AKR1C4: variants seen among roughly 807,000 people sequenced by gnomAD.
AKR1C4 encodes 3-alpha-HSD1.
AKR1C4 carries 44 observed loss-of-function variants against 41.0 expected under a neutral mutation model. That is an observed-to-expected ratio of 1.07 (90% CI 0.84 to 1.38). The LOEUF (loss-of-function observed/expected upper bound fraction) is 1.38. Ranked by LOEUF, AKR1C4 falls within the 40% of genes most tolerant of loss-of-function variation. The pLI is 0.00. For synonymous variants in AKR1C4, 165 were observed against 137.7 expected (o/e 1.20, Z -1.39); for missense variants, 438 against 387.9 (o/e 1.13, Z -1.09).
chr10:5,207,758 C>CT, intron 5 of AKR1C4: 3 of 416,210 alleles, frequency 7.2e-6, no homozygotes, highest in South Asian at 5.9e-5. Flanking sequence ...AATATGATAC[C>CT]TTTTCTATAT....
intron 1 of AKR1C4, among the ~76,000 whole-genome samples, chr10:5,199,538 T>G (rs1440095896): frequency 1.3e-5 from 2 of 152,000 alleles, no homozygotes; most frequent in African/African-American, 4.8e-5. Context: ...GGGTGGACTT[T>G]GAGAGGATCA....
chr10:5,211,883 G>C (rs1832580360), intron 5 of AKR1C4, among the ~76,000 whole-genome samples: 1 of 152,174 alleles, frequency 6.6e-6, no homozygotes, highest in African/African-American at 2.4e-5. Flanking sequence ...GTCTTACATG[G>C]ACAGCAGCAG....
At chr10:5,206,435 T>C (rs1554797499) in intron 5 of AKR1C4, 38 bp downstream of exon 5, 4 of 1,613,646 alleles carry the variant, frequency 2.5e-6, no homozygotes, top group South Asian at 1.1e-5. Flanking sequence ...CTCTTCTCAA[T>C]GTCCATCTTC....
At chr10:5,213,510 T>C (rs1483879627) in intron 7 of AKR1C4, among the ~76,000 whole-genome samples, 2 of 152,242 alleles carry the variant, frequency 1.3e-5, no homozygotes, top group South Asian at 2.1e-4. Context: ...CCTTGTTTAC[T>C]CAGTATAAAT....
At chr10:5,208,065 T>TG (rs1282513936) in intron 5 of AKR1C4, among the ~76,000 whole-genome samples, 3 of 48,556 alleles carry the variant, frequency 6.2e-5, no homozygotes, top group African/African-American at 7.3e-5. Flanking sequence ...CTTTAAAGAG[T>TG]GAAAAAAAGG....
intron 2 of AKR1C4, among the ~76,000 whole-genome samples, chr10:5,200,879 ATTACT>A (rs1832391042): frequency 6.6e-6 from 1 of 152,132 alleles, no homozygotes; most frequent in Non-Finnish European, 1.5e-5. Flanking sequence ...CCATTCCTGA[ATTACT>A]TTACTTAGAA....
Position 5,212,685 on chromosome 10 carries a change from G to T in AKR1C4, c.640G>T (p.Val214Phe). 1 of 1,614,004 alleles carries T rather than the reference G, an allele frequency of 6.2e-7. No individual in the cohort carries two copies. Among genetic ancestry groups the T allele is most frequent in the Non-Finnish European group, 8.5e-7 (1 of 1,179,976 alleles). ...CTGCAAGTCAAAAGACATTGTTCTG[G>T]TTGCCCACAGTGCTCTGGGAACCCA... ...DFCKSKDIVLVAHSALGTQRH... is the reference protein window; with the variant it reads ...DFCKSKDIVLFAHSALGTQRH... Residue 214 changes from valine (V) to phenylalanine (F), a missense_variant, in exon 6 of 9, where the codon GTT becomes TTT. Coordinates refer to ENST00000263126, the MANE Select transcript of AKR1C4 (RefSeq NM_001818.5).
At chr10:5,202,046 A>G (rs1832407373) in intron 2 of AKR1C4, among the ~76,000 whole-genome samples, 1 of 152,094 alleles carries the variant, frequency 6.6e-6, no homozygotes, top group African/African-American at 2.4e-5. Context: ...AAATACCTCC[A>G]GATTTCTTCT....
intron 6 of AKR1C4, 69 bp downstream of exon 6, chr10:5,212,794 A>G (rs1389464816): frequency 1.6e-5 from 24 of 1,500,980 alleles, no homozygotes; most frequent in South Asian, 6.0e-5. Context: ...TAGCATACTC[A>G]GTCTCCTAGA....
intron 5 of AKR1C4, chr10:5,207,677 TAAAG>T (rs1832510557): frequency 2.2e-6 from 2 of 905,324 alleles, no homozygotes; most frequent in Non-Finnish European, 3.3e-6. Context: ...GGACATGAAA[TAAAG>T]GAAGGACTTG....
intron 5 of AKR1C4, chr10:5,207,493 C>CA: frequency 2.4e-6 from 1 of 411,166 alleles, no homozygotes; most frequent in South Asian, 2.0e-5. Context: ...TGGAAGAAGT[C>CA]AAAACTGAAC....
intron 2 of AKR1C4, among the ~76,000 whole-genome samples, chr10:5,201,077 T>A (rs1554796896): frequency 1.4e-4 from 21 of 152,080 alleles, no homozygotes. Flanking sequence ...CATGTGTGGG[T>A]ATGTGTTTTT....
Position 5,206,395 on chromosome 10 carries a change from C to T in AKR1C4, c.568C>T (p.Gln190Ter). 1.2e-6 allele frequency: 2 copies of T among 1,614,062 alleles called. No homozygotes were observed. The highest frequency in any genetic ancestry group is 1.1e-5 in the South Asian group (1 of 91,064). ...ACTCAAGTACAAGCCTGTCTGCAAC[C>T]AGGTGAGCACCCTCAGCCTCCTCTC... is the stretch of plus-strand genomic sequence containing the variant. ...PGLKYKPVCN[Q>*]VECHPYLNQS... is the part of the protein sequence containing the mutation. Residue 190 changes from glutamine (Q) to a stop codon, truncating the protein, a stop_gained and splice_region_variant, in exon 5 of 9, where the codon CAG (glutamine) becomes TAG (stop). Coordinates refer to ENST00000263126, the MANE Select transcript of AKR1C4 (RefSeq NM_001818.5). LOFTEE classifies it high-confidence loss of function.
At chr10:5,207,445 G>A in intron 5 of AKR1C4, 3 of 355,794 alleles carry the variant, frequency 8.4e-6, no homozygotes, top group Non-Finnish European at 1.1e-5. Flanking sequence ...ATGCACAGAT[G>A]GCATTGTGTT....
At position 5,218,839 on chromosome 10, in the gene AKR1C4, C is replaced by A; in HGVS notation, c.*79C>A. ...GCAGAGGATGTCTCTATGCTGGTGA[C>A]TGGACACACAGCCTCTGGTTAAATC... is the stretch of plus-strand genomic sequence containing the variant. On this transcript the variant is annotated 3_prime_UTR_variant, in exon 9 of 9. Coordinates refer to ENST00000263126, the MANE Select transcript of AKR1C4 (RefSeq NM_001818.5). The A allele has an allele frequency of 1.4e-6, 2 of 1,413,460 alleles. No individual in the cohort carries two copies. The highest frequency in any genetic ancestry group is 2.0e-6 in the Non-Finnish European group (2 of 1,001,876). The allele number at this position is 1,413,460 out of a possible 1,614,324, so 87.6% of individuals were successfully genotyped here.
chr10:5,203,533 G>A (rs1478225161), intron 2 of AKR1C4, among the ~76,000 whole-genome samples: 1 of 152,230 alleles, frequency 6.6e-6, no homozygotes, highest in African/African-American at 2.4e-5. Context: ...GTGGGGAAGA[G>A]TATTCTGGAG....
chr10:5,198,617 A>G (rs1440044905), intron 1 of AKR1C4, among the ~76,000 whole-genome samples: 1 of 152,184 alleles, frequency 6.6e-6, no homozygotes, highest in East Asian at 1.9e-4. Flanking sequence ...TGTTTCCTGA[A>G]ACATCACTGA....
At chr10:5,199,211 CCA>C (rs1832359228) in intron 1 of AKR1C4, among the ~76,000 whole-genome samples, 1 of 152,002 alleles carries the variant, frequency 6.6e-6, no homozygotes, top group Non-Finnish European at 1.5e-5. Context: ...GTTTATCACC[CCA>C]CATATAGAAC....
intron 2 of AKR1C4, among the ~76,000 whole-genome samples, chr10:5,202,833 C>G (rs1422125043): frequency 6.6e-6 from 1 of 151,944 alleles, no homozygotes; most frequent in African/African-American, 2.4e-5. Context: ...ATGAAACCCA[C>G]TTGATCATGA....
Sources: gnomAD v4.1 joint callset for allele counts (sites outside exome capture counted in the v4.1 genomes callset) on GRCh38, gnomAD v4.1.1 for gene constraint, MANE v1.5 for transcripts, NCBI Gene and HGNC (gene_info 2026-07-23, HGNC 2026-07-21) for gene names.